The following CYREN variants were observed in gnomAD, a reference collection of about 807,000 sequenced individuals.
The protein encoded by CYREN is cell cycle regulator of non-homologous end joining.
A neutral mutation model predicts 9.7 loss-of-function variants in CYREN; 7 were observed. That is an observed-to-expected ratio of 0.72 (90% CI 0.41 to 1.36). CYREN has a LOEUF of 1.36. Among genes scored for constraint, CYREN ranks in the 40% most tolerant of loss-of-function variants. The probability of loss-of-function intolerance (pLI) is 0.01; values close to 1 mark genes in which losing one functional copy is unlikely to be tolerated. For synonymous variants in CYREN, 76 were observed against 77.9 expected, an observed-to-expected ratio of 0.98 and a Z score of 0.13; for missense variants, 215 against 198.1, an observed-to-expected ratio of 1.09 and a Z score of -0.51.
At chr7:135,110,232 C>A (rs1406313052) in intron 2 of CYREN, among the ~76,000 whole-genome samples, 8 of 152,122 alleles carry the variant, frequency 5.3e-5, no homozygotes, top group African/African-American at 1.9e-4. Context: ...GAGTTCCAAG[C>A]CAGTGGGTCT....
chr7:135,129,136 A>C, intron 2 of CYREN: 2 of 1,514,672 alleles, frequency 1.3e-6, no homozygotes, highest in South Asian at 1.1e-5. Flanking sequence ...TTATTTGCCT[A>C]TTATGACTGC....
At chr7:135,125,697 T>G (rs765343641) in intron 2 of CYREN, among the ~76,000 whole-genome samples, 1 of 152,220 alleles carries the variant, frequency 6.6e-6, no homozygotes, top group Non-Finnish European at 1.5e-5. Context: ...GTATCCACCA[T>G]GATGAAGTTG....
intron 2 of CYREN, among the ~76,000 whole-genome samples, chr7:135,098,200 G>C (rs1301955008): frequency 6.6e-6 from 1 of 152,150 alleles, no homozygotes; most frequent in Admixed American, 6.5e-5. Context: ...AATAAGTAAA[G>C]TCTAAATACA....
At chr7:135,118,489 C>T (rs1826639491) in intron 2 of CYREN, among the ~76,000 whole-genome samples, 1 of 152,088 alleles carries the variant, frequency 6.6e-6, no homozygotes, top group Non-Finnish European at 1.5e-5. Flanking sequence ...CTTCCACTTC[C>T]ATCTTGCAGT....
At chr7:135,170,152 G>C (rs1032301172) in intron 1 of CYREN, 2 of 152,294 alleles carry the variant, frequency 1.3e-5, no homozygotes, top group African/African-American at 4.8e-5. Context: ...CAGCTGGTTG[G>C]ATTCGCAGCC....
At chr7:135,124,772 A>T (rs1827625907) in intron 2 of CYREN, among the ~76,000 whole-genome samples, 1 of 152,244 alleles carries the variant, frequency 6.6e-6, no homozygotes, top group Non-Finnish European at 1.5e-5. Context: ...TTACATGGAA[A>T]TTGAACAATC....
intron 2 of CYREN, among the ~76,000 whole-genome samples, chr7:135,102,861 A>G (rs1281088567): frequency 6.6e-6 from 1 of 152,190 alleles, no homozygotes; most frequent in African/African-American, 2.4e-5. Context: ...ATGGTCTTGG[A>G]ATAAGAAAAG....
intron 2 of CYREN, among the ~76,000 whole-genome samples, chr7:135,125,915 A>G (rs1013358086): frequency 2.6e-5 from 4 of 152,218 alleles, no homozygotes; most frequent in Non-Finnish European, 4.4e-5. Context: ...AGAGCTATTT[A>G]TGACAATATA....
At position 135,167,820 on chromosome 7, in the gene CYREN, C is replaced by T. The variant is rs771071483; in HGVS notation, c.138-13G>A. 19 of 1,614,028 alleles carry T rather than the reference C, an allele frequency of 1.2e-5. No individual in the cohort carries two copies. The African/African-American group carries it at 2.0e-4, about 17-fold the overall frequency. On this transcript the variant is annotated splice_polypyrimidine_tract_variant and intron_variant, in intron 2 of 3. Coordinates refer to ENST00000393114, the MANE Select transcript of CYREN (RefSeq NM_024033.4). ...TGTCGCAGGGAGTCTGAAAAAAAGACATGCAAGGCACAGATGACACAGACT... is the reference window on the plus strand; with the variant it reads ...TGTCGCAGGGAGTCTGAAAAAAAGATATGCAAGGCACAGATGACACAGACT...
At chr7:135,154,797 G>A (rs919466844) in intron 2 of CYREN, among the ~76,000 whole-genome samples, 1 of 152,204 alleles carries the variant, frequency 6.6e-6, no homozygotes, top group African/African-American at 2.4e-5. Context: ...AATGTTCCAT[G>A]TGCTGACAAA....
intron 2 of CYREN, 26 bp downstream of exon 2, chr7:135,168,760 G>A (rs765990912): frequency 1.9e-6 from 3 of 1,608,974 alleles, no homozygotes; most frequent in East Asian, 4.5e-5. Context: ...AGATTCGCAG[G>A]AGTCTTCTGA....
chr7:135,128,478 G>A (rs1828266752), intron 2 of CYREN: 1 of 751,966 alleles, frequency 1.3e-6, no homozygotes, highest in Non-Finnish European at 2.5e-6. Context: ...AGGATGAATT[G>A]CTGGCCCCAG....
At chr7:135,160,620 C>A (rs1829906455) in intron 2 of CYREN, among the ~76,000 whole-genome samples, 1 of 152,116 alleles carries the variant, frequency 6.6e-6, no homozygotes, top group Admixed American at 6.5e-5. Flanking sequence ...GCTGAGCATG[C>A]ATACGACATT....
At chr7:135,149,321 C>T (rs1292284984) in intron 2 of CYREN, among the ~76,000 whole-genome samples, 1 of 152,096 alleles carries the variant, frequency 6.6e-6, no homozygotes, top group Non-Finnish European at 1.5e-5. Context: ...TAGTCTCTTT[C>T]TCCTATGCCT....
intron 2 of CYREN, among the ~76,000 whole-genome samples, chr7:135,123,167 G>T (rs1034988099): frequency 4.6e-5 from 7 of 152,186 alleles, no homozygotes; most frequent in Non-Finnish European, 7.4e-5. Context: ...TAGAGTAGCT[G>T]CTAACTAGAA....
At chr7:135,130,739 T>C (rs922165213) in intron 2 of CYREN, among the ~76,000 whole-genome samples, 3 of 152,114 alleles carry the variant, frequency 2.0e-5, no homozygotes, top group Non-Finnish European at 4.4e-5. Flanking sequence ...CAGTCCTAAT[T>C]TTCTGAATTA....
At chr7:135,148,266 T>C (rs936662137) in intron 2 of CYREN, 1 of 369,202 alleles carries the variant, frequency 2.7e-6, no homozygotes, top group African/African-American at 2.1e-5. Context: ...CTGCACCTCC[T>C]TTCTGTAAGT....
In CYREN at chr7:135,168,851, C is replaced by A. The variant is rs1585378104; in HGVS notation, c.72G>T (p.Lys24Asn). ...TGGGGGCCTTCATTGGTGCCACATTCTTTGTAGCCACCTGGGCTGTCAGCC... is the reference window on the plus strand; with the variant it reads ...TGGGGGCCTTCATTGGTGCCACATTATTTGTAGCCACCTGGGCTGTCAGCC... ...PSWLTAQVAT[K>N]NVAPMKAPKR... Residue 24 changes from lysine to asparagine, a missense_variant, in exon 2 of 4, where the codon AAG becomes AAT. Transcript: ENST00000393114. The A allele has an allele frequency of 6.2e-7, 1 of 1,614,074 alleles. No individual in the cohort carries two copies. The highest frequency in any genetic ancestry group is 8.5e-7 in the Non-Finnish European group (1 of 1,179,972).
At chr7:135,126,931 G>A (rs1354932389) in intron 2 of CYREN, among the ~76,000 whole-genome samples, 1 of 152,122 alleles carries the variant, frequency 6.6e-6, no homozygotes, top group Non-Finnish European at 1.5e-5. Context: ...AGAAAACCTA[G>A]GCAATACCAT....
Sources: gnomAD v4.1 joint callset for allele counts (sites outside exome capture counted in the v4.1 genomes callset) on GRCh38, gnomAD v4.1.1 for gene constraint, MANE v1.5 for transcripts, NCBI Gene and HGNC (gene_info 2026-07-23, HGNC 2026-07-21) for gene names.